Variants in HS3ST5 observed in about 807,000 individuals in gnomAD.
HS3ST5 encodes the protein heparan sulfate glucosamine 3-O-sulfotransferase 5.
HS3ST5 carries 10 observed loss-of-function variants against 25.4 expected under a neutral mutation model. The ratio of observed to expected loss-of-function variants is 0.39; its 90% confidence interval spans 0.24 to 0.67. The LOEUF (loss-of-function observed/expected upper bound fraction) is 0.67, where lower values mean the gene tolerates loss of function less well. HS3ST5 is among the 30% of genes least tolerant of loss of function. The pLI is 0.44. For synonymous variants in HS3ST5, 170 were observed against 162.4 expected (o/e 1.05, Z -0.36); for missense variants, 324 against 420.7 (o/e 0.77, Z 2.01).
At chr6:114,058,634 G>C (rs967100829) in intron 4 of HS3ST5, 1 of 156,580 alleles carries the variant, frequency 6.4e-6, no homozygotes, top group East Asian at 1.9e-4. Flanking sequence ...CTTGCAGCTC[G>C]GCAGCACTCA....
At chr6:114,213,119 T>C (rs1027577680) in intron 2 of HS3ST5, among the ~76,000 whole-genome samples, 3 of 152,026 alleles carry the variant, frequency 2.0e-5, no homozygotes, top group Non-Finnish European at 4.4e-5. Context: ...AGGGGATGGA[T>C]TGGGAATGTG....
At chr6:114,341,260 A>AGAGAGAGAGT (rs1562281469) in intron 1 of HS3ST5, among the ~76,000 whole-genome samples, 1 of 145,154 alleles carries the variant, frequency 6.9e-6, no homozygotes, top group Non-Finnish European at 1.5e-5. Context: ...AGAGAGAGAG[A>AGAGAGAGAGT]GTGAGTCCCA....
intron 1 of HS3ST5, chr6:114,340,732 A>T (rs910896981): frequency 1.3e-5 from 2 of 152,254 alleles, no homozygotes; most frequent in African/African-American, 4.8e-5. Context: ...CCTTTTTTAA[A>T]AAATAATCAT....
chr6:114,292,833 T>C (rs539488238), intron 1 of HS3ST5, among the ~76,000 whole-genome samples: 43 of 152,320 alleles, frequency 2.8e-4, no homozygotes, highest in African/African-American at 1.0e-3. Context: ...CTTTAAATCA[T>C]CTCTAGATTA....
rs770321077 is a variant in HS3ST5, at chr6:114,057,609, C to G, written c.689G>C (p.Arg230Thr). 15 of 1,613,250 alleles carry G rather than the reference C, an allele frequency of 9.3e-6. No homozygotes were observed. In the East Asian group the frequency reaches 3.1e-4, roughly 34 times the overall value. ...CEVNTKYKAV[R>T]TSIYTKHLER... ...CAGATGTTTGGTGTAGATGCTGGTT[C>G]TTACTGCTTTGTATTTTGTGTTCAC... The change falls in exon 5 of 5, where the codon AGA becomes ACA. Residue 230 changes from arginine to threonine, a missense_variant. By Grantham distance (71) the Arg-to-Thr change is moderately conservative. This residue lies in a region of HS3ST5 where 203 missense variants were observed against 303.4 expected (regional missense o/e 0.67). Transcript: ENST00000312719.
intron 1 of HS3ST5, among the ~76,000 whole-genome samples, chr6:114,250,137 T>A (rs2181436): frequency 0.59 from 90,192 of 151,998 alleles, 28,326 homozygotes; most frequent in African/African-American, 0.82. Context: ...GGATTAAAAA[T>A]TTTTTATAAA....
At chr6:114,257,734 C>G (rs374518496) in intron 1 of HS3ST5, among the ~76,000 whole-genome samples, 7 of 151,926 alleles carry the variant, frequency 4.6e-5, no homozygotes, top group South Asian at 2.1e-4. Context: ...TCTTCTTCTT[C>G]TTGTTGTTCT....
intron 3 of HS3ST5, among the ~76,000 whole-genome samples, chr6:114,069,920 A>AGT (rs1773702126): frequency 6.6e-6 from 1 of 152,160 alleles, no homozygotes; most frequent in African/African-American, 2.4e-5. Flanking sequence ...GGTGGTTTAC[A>AGT]CTTACATGGG....
At position 114,062,786 on chromosome 6, in the gene HS3ST5, G is replaced by T. The variant is rs769961503; in HGVS notation, c.60C>A (p.Ala20=). The T allele has an allele frequency of 1.9e-6, 3 of 1,613,906 alleles. No homozygotes were observed. The highest frequency in any genetic ancestry group is 2.5e-6 in the Non-Finnish European group (3 of 1,179,932). The change falls in exon 4 of 5, where the codon GCC becomes GCA. Residue 20 remains alanine (A), a synonymous_variant. Coordinates refer to ENST00000312719, the MANE Select transcript of HS3ST5 (RefSeq NM_153612.4). ...RQKLLVLGSL[A]VGSLLYLVAR... is the part of the protein sequence containing the mutation. Reference sequence around the variant, plus strand: ...CGACTAGATACAGGAGACTCCCAACGGCAAGGCTTCCCAGCACCAGGAGCT... The same window carrying T: ...CGACTAGATACAGGAGACTCCCAACTGCAAGGCTTCCCAGCACCAGGAGCT...
chr6:114,130,996 C>T (rs1293580710), intron 3 of HS3ST5, among the ~76,000 whole-genome samples: 2 of 152,116 alleles, frequency 1.3e-5, no homozygotes, highest in East Asian at 3.9e-4. Flanking sequence ...GAACTATGAT[C>T]ATGCCACTGC....
chr6:114,230,834 C>T (rs564246698), intron 1 of HS3ST5, among the ~76,000 whole-genome samples: 19 of 152,138 alleles, frequency 1.2e-4, no homozygotes, highest in East Asian at 1.2e-3. Flanking sequence ...ATGATCCGCC[C>T]GCCTCAGCCT....
chr6:114,095,811 A>G (rs1775394543), intron 3 of HS3ST5, among the ~76,000 whole-genome samples: 1 of 152,146 alleles, frequency 6.6e-6, no homozygotes, highest in Non-Finnish European at 1.5e-5. Context: ...TATTTAGGAT[A>G]AATTAAAACC....
At chr6:114,277,015 T>C (rs979050999) in intron 1 of HS3ST5, among the ~76,000 whole-genome samples, 2 of 151,944 alleles carry the variant, frequency 1.3e-5, no homozygotes, top group Non-Finnish European at 2.9e-5. Flanking sequence ...TGAACATCAA[T>C]ATGACTTTTC....
At chr6:114,332,625 T>A (rs1044453445) in intron 1 of HS3ST5, among the ~76,000 whole-genome samples, 1 of 151,990 alleles carries the variant, frequency 6.6e-6, no homozygotes, top group Admixed American at 6.6e-5. Context: ...TAGGTACTGT[T>A]GGGGGTGGCG....
chr6:114,283,019 CT>C lies in HS3ST5; in HGVS notation c.-338-54242del, dbSNP rs201096346. ...CCAAGCTATAAATTTGGTTTGACTCCTAATATAGAATCAATAAGAGAATTCT... is the reference window on the plus strand; with the variant it reads ...CCAAGCTATAAATTTGGTTTGACTCCAATATAGAATCAATAAGAGAATTCT... On this transcript the variant is annotated intron_variant, in intron 1 of 4. Transcript: ENST00000312719. Among the ~76,000 whole-genome samples the C allele has an allele frequency of 6.1e-3, 928 of 151,824 alleles. 8 individuals are homozygous for C. Among genetic ancestry groups the C allele is most frequent in the African/African-American group, 0.021 (857 of 41,428 alleles).
At chr6:114,288,512 A>G (rs376234225) in intron 1 of HS3ST5, among the ~76,000 whole-genome samples, 1 of 152,040 alleles carries the variant, frequency 6.6e-6, no homozygotes. Context: ...AAAAGGACAT[A>G]AGAACATAAG....
At chr6:114,341,161 GGGGA>G (rs1215257052) in intron 1 of HS3ST5, among the ~76,000 whole-genome samples, 2 of 137,504 alleles carry the variant, frequency 1.5e-5, no homozygotes, top group African/African-American at 5.6e-5. Context: ...GGGGGAGAGA[GGGGA>G]GGGAGGGAGG....
intron 1 of HS3ST5, among the ~76,000 whole-genome samples, chr6:114,338,214 T>G (rs1005442010): frequency 6.6e-6 from 1 of 151,972 alleles, no homozygotes; most frequent in African/African-American, 2.4e-5. Context: ...ATTCTATTCC[T>G]GTTGTACAAG....
intron 2 of HS3ST5, among the ~76,000 whole-genome samples, chr6:114,214,885 C>T (rs966117911): frequency 6.6e-6 from 1 of 152,124 alleles, no homozygotes. Context: ...TGCTGTTGGA[C>T]CTCACTACCA....
Sources: allele counts gnomAD v4.1 joint callset (sites outside exome capture counted in the v4.1 genomes callset), GRCh38; gene constraint gnomAD v4.1.1; regional missense constraint gnomAD v4.1.1; transcripts MANE v1.5; gene names NCBI Gene and HGNC (gene_info 2026-07-23, HGNC 2026-07-21).